Variants in SSR3 observed in about 807,000 individuals in gnomAD.
The protein encoded by SSR3 is signal sequence receptor subunit 3.
Under a neutral mutation model 22.1 loss-of-function variants are expected in SSR3, and 10 were observed. The observed-to-expected ratio is 0.45, with a 90% CI of 0.28 to 0.77. The LOEUF (loss-of-function observed/expected upper bound fraction) is 0.77, where lower values mean the gene tolerates loss of function less well. SSR3 is among the 30% of genes least tolerant of loss of function. The probability of loss-of-function intolerance (pLI) is 0.13; values close to 1 mark genes in which losing one functional copy is unlikely to be tolerated. For missense variants in SSR3, 181 were observed against 220.5 expected (o/e 0.82, Z 1.13); for synonymous variants, 104 against 82.5 (o/e 1.26, Z -1.42).
chr3:156,540,051 T>C lies in SSR3; in HGVS notation c.*3152A>G, dbSNP rs1256691037. 6.6e-6 allele frequency: 1 copy of C among 151,918 alleles called. No homozygotes were observed. The highest frequency in any genetic ancestry group is 2.4e-5 in the African/African-American group (1 of 41,368). 9.4% of individuals were successfully genotyped at this position (151,918 alleles called of 1,614,324 possible). ...TAAAGTAAAATAAAAAATAAAACAA[T>C]TTGAAAAAAAAGATGGTTAATGTAA... On this transcript the variant is annotated 3_prime_UTR_variant, in exon 5 of 5. Transcript: ENST00000265044.
Position 156,544,446 on chromosome 3 carries a change from AC to A in SSR3, c.360-8del. 6.5e-7 allele frequency: 1 copy of A among 1,543,492 alleles called. No individual in the cohort carries two copies. ...ATTCTTCTTCCACAAGATTCTACAG[AC>A]ACAGAAACAAGTCAAACAAGCTTAT... On this transcript the variant is annotated splice_region_variant and splice_polypyrimidine_tract_variant and intron_variant, in intron 3 of 4. Coordinates refer to ENST00000265044, the MANE Select transcript of SSR3 (RefSeq NM_007107.5).
intron 2 of SSR3, 186 bp from the exon 3 acceptor site, chr3:156,549,189 A>G (rs1719865704): frequency 2.0e-6 from 1 of 501,274 alleles, no homozygotes; most frequent in African/African-American, 2.0e-5. Context: ...GAAGTTCGAG[A>G]AATGTCCAAG....
chr3:156,551,722 C>T (rs993120888), intron 2 of SSR3, among the ~76,000 whole-genome samples: 2 of 152,094 alleles, frequency 1.3e-5, no homozygotes, highest in African/African-American at 2.4e-5. Context: ...CCTCATTCCC[C>T]GAAAGAGTCT....
Position 156,542,445 on chromosome 3 carries a change from CA to C in SSR3, c.*757del, listed in dbSNP as rs1228667657. 1 of 152,190 alleles carries C rather than the reference CA, an allele frequency of 6.6e-6. No individual in the cohort carries two copies. The highest frequency in any genetic ancestry group is 2.4e-5 in the African/African-American group (1 of 41,448). 9.4% of individuals were successfully genotyped at this position (152,190 alleles called of 1,614,324 possible). ...TTCCTCCAGGGTGTGAGACCCTGGT[CA>C]AGGAAAACAGTGATTCCTGTGTCTT... is the stretch of plus-strand genomic sequence containing the variant. On this transcript the variant is annotated 3_prime_UTR_variant, in exon 5 of 5. Transcript: ENST00000265044.
chr3:156,544,276 C>T, intron 4 of SSR3, 32 bp downstream of exon 4: 1 of 1,485,378 alleles, frequency 6.7e-7, no homozygotes, highest in Non-Finnish European at 9.0e-7. Context: ...TTCTTGACTT[C>T]TAAAAAAGAT....
intron 4 of SSR3, 157 bp downstream of exon 4, chr3:156,544,151 T>C (rs1259361814): frequency 2.0e-6 from 1 of 510,096 alleles, no homozygotes; most frequent in East Asian, 3.4e-5. Flanking sequence ...ATAGCTGTTA[T>C]TTTAAATGTC....
At chr3:156,543,602 T>C (rs2108445411) in intron 4 of SSR3, among the ~76,000 whole-genome samples, 1 of 152,350 alleles carries the variant, frequency 6.6e-6, no homozygotes, top group African/African-American at 2.4e-5. Context: ...TTTCCTTTTC[T>C]TCCCCTAAGA....
chr3:156,543,182 AG>A lies in SSR3; in HGVS notation c.*20del, dbSNP rs1396350855. Reference sequence around the variant, plus strand: ...ACAGGCCACCCATAGACACAAAGCCAGGGGGTGAAGCTGACATGGTCTATTT... The same window carrying A: ...ACAGGCCACCCATAGACACAAAGCCAGGGGTGAAGCTGACATGGTCTATTT... On this transcript the variant is annotated 3_prime_UTR_variant, in exon 5 of 5. Coordinates refer to ENST00000265044, the MANE Select transcript of SSR3 (RefSeq NM_007107.5). 1 of 1,611,706 alleles carries A rather than the reference AG, an allele frequency of 6.2e-7. No individual in the cohort carries two copies. The highest frequency in any genetic ancestry group is 1.7e-5 in the Admixed American group (1 of 59,960).
chr3:156,546,828 C>G (rs1344929812), intron 3 of SSR3, among the ~76,000 whole-genome samples: 1 of 152,220 alleles, frequency 6.6e-6, no homozygotes, highest in Admixed American at 6.5e-5. Flanking sequence ...GTTAATGAAT[C>G]TCACATTCTC....
intron 3 of SSR3, among the ~76,000 whole-genome samples, chr3:156,548,078 G>A (rs946900182): frequency 6.6e-6 from 1 of 152,206 alleles, no homozygotes; most frequent in Non-Finnish European, 1.5e-5. Flanking sequence ...CTGGAGCAAA[G>A]TGGGGTAAAA....
intron 2 of SSR3, 137 bp downstream of exon 2, chr3:156,553,518 T>TGCCGACCCCCGGCCGGCACCCACG: frequency 1.2e-6 from 1 of 863,658 alleles, no homozygotes; most frequent in East Asian, 2.9e-5. Context: ...GCATCAATGT[T>TGCCGACCCCCGGCCGGCACCCACG]CCTTTCCCCC....
chr3:156,549,853 T>C (rs1719888239), intron 2 of SSR3, among the ~76,000 whole-genome samples: 1 of 151,958 alleles, frequency 6.6e-6, no homozygotes, highest in Admixed American at 6.6e-5. Context: ...TAAGAGGAAA[T>C]CAATTCTGAA....
rs1330841945 is a variant in SSR3, at chr3:156,539,608, T to C, written c.*3595A>G. 6.6e-6 allele frequency among the ~76,000 whole-genome samples: 1 copy of C among 152,072 alleles called. No homozygotes were observed. The highest frequency in any genetic ancestry group is 1.9e-4 in the East Asian group (1 of 5,202). ...TGAAGGCCAACGAGAAGTTAGCCTC[T>C]ATCGCCCTGAAAATTTAAACCAACC... is the stretch of plus-strand genomic sequence containing the variant. On this transcript the variant is annotated 3_prime_UTR_variant, in exon 5 of 5. Transcript: ENST00000265044.
At chr3:156,551,448 A>T (rs2108449689) in intron 2 of SSR3, 1 of 152,284 alleles carries the variant, frequency 6.6e-6, no homozygotes, top group Middle Eastern at 3.4e-3. Flanking sequence ...CATGCCTCAC[A>T]GGAAACAGTC....
chr3:156,551,002 G>A (rs575961522), intron 2 of SSR3, among the ~76,000 whole-genome samples: 9 of 152,296 alleles, frequency 5.9e-5, no homozygotes, highest in Non-Finnish European at 1.2e-4. Flanking sequence ...GACTGTCAAC[G>A]CTGAAGCCAT....
intron 2 of SSR3, 57 bp downstream of exon 2, chr3:156,553,595 TAAG>T: frequency 6.5e-7 from 1 of 1,542,662 alleles, no homozygotes; most frequent in Non-Finnish European, 8.8e-7. Context: ...AAATGATCTT[TAAG>T]AAGACATATA....
chr3:156,543,656 C>T (rs1296814234), intron 4 of SSR3, among the ~76,000 whole-genome samples: 3 of 152,202 alleles, frequency 2.0e-5, no homozygotes, highest in African/African-American at 7.2e-5. Flanking sequence ...TGTTTTGCTG[C>T]AGTTGGCTTG....
chr3:156,548,774 T>TTAC (rs144621829), intron 3 of SSR3, 131 bp downstream of exon 3: 16,793 of 1,089,176 alleles, frequency 0.015, 147 homozygotes, highest in Non-Finnish European at 0.018. Context: ...ACTATTTCCA[T>TTAC]TACTACTACT....
At chr3:156,554,792 G>T in intron 1 of SSR3, 165 bp downstream of exon 1, 1 of 875,318 alleles carries the variant, frequency 1.1e-6, no homozygotes, top group Non-Finnish European at 1.7e-6. Context: ...CGACAACACT[G>T]TGCCCAAAGA....
Sources: gnomAD v4.1 joint callset for allele counts (sites outside exome capture counted in the v4.1 genomes callset) on GRCh38, gnomAD v4.1.1 for gene constraint, MANE v1.5 for transcripts, NCBI Gene and HGNC (gene_info 2026-07-23, HGNC 2026-07-21) for gene names.